ASH1L: variants seen among roughly 807,000 people sequenced by gnomAD.
ASH1L encodes the protein histone-lysine N-methyltransferase ASH1L.
In ASH1L, 23 loss-of-function variants were observed where a neutral mutation model predicts 269.0. The ratio of observed to expected loss-of-function variants is 0.09; its 90% CI spans 0.06 to 0.12. The LOEUF (loss-of-function observed/expected upper bound fraction) is 0.12, where lower values mean the gene tolerates loss of function less well. ASH1L is among the 10% of genes least tolerant of loss of function. The probability of loss-of-function intolerance (pLI) is 1.00; values close to 1 mark genes in which losing one functional copy is unlikely to be tolerated. For missense variants in ASH1L, 2,912 were observed against 3,567.8 expected, an observed-to-expected ratio of 0.82 and a Z score of 4.68; for synonymous variants, 1,187 against 1,253.5, an observed-to-expected ratio of 0.95 and a Z score of 1.12.
chr1:155,548,537 T>C (rs977862540), intron 1 of ASH1L, among the ~76,000 whole-genome samples: 1 of 152,006 alleles, frequency 6.6e-6, no homozygotes. Flanking sequence ...AAAAGAGAGA[T>C]AAAAAATAGA....
chr1:155,545,659 T>TA (rs1318978170), intron 1 of ASH1L, among the ~76,000 whole-genome samples: 1 of 151,464 alleles, frequency 6.6e-6, no homozygotes, highest in Non-Finnish European at 1.5e-5. Flanking sequence ...TATATACACA[T>TA]ATATATTCCT....
Position 155,371,694 on chromosome 1 carries a change from CT to C in ASH1L, c.6333-712del, listed in dbSNP as rs1269263101. Among the ~76,000 whole-genome samples, 470 of 137,398 alleles carry C rather than the reference CT, an allele frequency of 3.4e-3. 1 individual carries two copies. Among genetic ancestry groups the C allele is most frequent in the African/African-American group, 5.2e-3 (195 of 37,592 alleles). 90.1% of individuals were successfully genotyped at this position (137,398 alleles called of 152,430 possible). On this transcript the variant is annotated intron_variant, in intron 10 of 27. Coordinates refer to ENST00000392403, the MANE Select transcript of ASH1L (RefSeq NM_018489.3). ...AAATTGTGGTAGAATACCTAATTTA[CT>C]TTTTTTTTTTTTTTTTGAGATGGAA...
intron 2 of ASH1L, among the ~76,000 whole-genome samples, chr1:155,497,448 A>C (rs919497016): frequency 6.6e-6 from 1 of 152,224 alleles, no homozygotes; most frequent in Non-Finnish European, 1.5e-5. Flanking sequence ...TTCAAAATGA[A>C]GACGATAAGG....
At chr1:155,412,779 G>C (rs1290993808) in intron 6 of ASH1L, among the ~76,000 whole-genome samples, 1 of 152,060 alleles carries the variant, frequency 6.6e-6, no homozygotes, top group African/African-American at 2.4e-5. Context: ...TATAGGATCT[G>C]ACCCTATATC....
At chr1:155,512,744 CA>C (rs956129909) in intron 2 of ASH1L, among the ~76,000 whole-genome samples, 2 of 151,542 alleles carry the variant, frequency 1.3e-5, no homozygotes, top group African/African-American at 4.8e-5. Flanking sequence ...GTTTAAAAAA[CA>C]AAAAAACACA....
intron 6 of ASH1L, among the ~76,000 whole-genome samples, chr1:155,400,175 G>GT (rs1558064975): frequency 6.6e-6 from 1 of 151,842 alleles, no homozygotes; most frequent in Non-Finnish European, 1.5e-5. Flanking sequence ...GTGAAACCCC[G>GT]TCTCTACTAA....
intron 7 of ASH1L, among the ~76,000 whole-genome samples, chr1:155,388,266 T>A (rs1169084419): frequency 6.6e-6 from 1 of 152,168 alleles, no homozygotes; most frequent in Non-Finnish European, 1.5e-5. Flanking sequence ...CACTCACCAA[T>A]GACAACTGTA....
chr1:155,447,889 G>A lies in ASH1L; in HGVS notation c.5087-8821C>T, dbSNP rs376342338. On this transcript the variant is annotated intron_variant, in intron 4 of 27. Coordinates refer to ENST00000392403, the MANE Select transcript of ASH1L (RefSeq NM_018489.3). ...GATTTGATCACATTTATCCATATTT[G>A]TTTGGCTGCCTGTGCCTGTGGGGTA... Among the ~76,000 whole-genome samples, 17 of 152,190 alleles carry A rather than the reference G, an allele frequency of 1.1e-4. No homozygotes were observed. The East Asian group carries it at 3.1e-3, about 28-fold the overall frequency.
Position 155,483,713 on chromosome 1 carries a change from T to TA in ASH1L, c.421-1265dup, listed in dbSNP as rs761226095. Among the ~76,000 whole-genome samples the TA allele has an allele frequency of 6.8e-3, 915 of 134,092 alleles. 5 individuals carry two copies. The highest frequency in any genetic ancestry group is 0.017 in the African/African-American group (632 of 36,798). The allele number at this position is 134,092 out of a possible 152,430, so 88.0% of individuals were successfully genotyped here. On this transcript the variant is annotated intron_variant, in intron 2 of 27. Coordinates refer to ENST00000392403, the MANE Select transcript of ASH1L (RefSeq NM_018489.3). Reference sequence around the variant, plus strand: ...TCCAAAATGCACCACTATTTTAATATAAAAAAAAAAAACCCTAAAAAAATC... The same window carrying TA: ...TCCAAAATGCACCACTATTTTAATATAAAAAAAAAAAAACCCTAAAAAAATC...
At chr1:155,430,933 G>A (rs1034412756) in intron 5 of ASH1L, among the ~76,000 whole-genome samples, 25 of 151,888 alleles carry the variant, frequency 1.6e-4, no homozygotes, top group Non-Finnish European at 2.9e-4. Flanking sequence ...AATTTTTTTC[G>A]GTCAGGTGTG....
At chr1:155,409,002 A>C (rs893866894) in intron 6 of ASH1L, among the ~76,000 whole-genome samples, 2 of 152,140 alleles carry the variant, frequency 1.3e-5, no homozygotes, top group African/African-American at 4.8e-5. Flanking sequence ...AAAATCAAGA[A>C]ATAATGGAAT....
intron 2 of ASH1L, among the ~76,000 whole-genome samples, chr1:155,494,846 C>A (rs1286199645): frequency 1.3e-5 from 2 of 151,430 alleles, no homozygotes; most frequent in Admixed American, 6.6e-5. Flanking sequence ...GAATGTAAAC[C>A]GAACAGTAAA....
chr1:155,362,191 C>T (rs1038192776), intron 12 of ASH1L, among the ~76,000 whole-genome samples: 12 of 151,890 alleles, frequency 7.9e-5, no homozygotes, highest in Admixed American at 1.3e-4. Flanking sequence ...CGTGCCACCA[C>T]GCCCAGCTAC....
intron 1 of ASH1L, among the ~76,000 whole-genome samples, chr1:155,555,367 C>T (rs72995197): frequency 0.038 from 5,790 of 150,750 alleles, 376 homozygotes; most frequent in African/African-American, 0.14. Context: ...CATGGTGGCT[C>T]GCACCTGTAG....
chr1:155,361,209 C>A (rs559790897), intron 12 of ASH1L, among the ~76,000 whole-genome samples: 2 of 151,946 alleles, frequency 1.3e-5, no homozygotes, highest in Non-Finnish European at 2.9e-5. Context: ...TAGTGAAACC[C>A]CGTCTCTACT....
chr1:155,517,696 A>C (rs1453191552), intron 2 of ASH1L, among the ~76,000 whole-genome samples: 3 of 152,072 alleles, frequency 2.0e-5, no homozygotes, highest in African/African-American at 7.2e-5. Context: ...TACAGTAATG[A>C]AAACAGTGTG....
At position 155,477,949 on chromosome 1, in the gene ASH1L, G is replaced by C. The variant is rs1463744386; in HGVS notation, c.4921C>G (p.Leu1641Val). Reference sequence around the variant, plus strand: ...GACTCCTTTCTGTGAAGCCGATTTAGTGAAGTGTCCTGTGCAGAAAAGAGT... The same window carrying C: ...GACTCCTTTCTGTGAAGCCGATTTACTGAAGTGTCCTGTGCAGAAAAGAGT... ...PGLFSAQDTS[L>V]NRLHRKESLP... Residue 1641 changes from leucine (L) to valine (V), a missense_variant, in exon 3 of 28, where the codon CTA becomes GTA. Around this residue, in one of 13 missense-constraint regions of ASH1L, gnomAD observed 789 missense variants for 897.6 expected, o/e 0.88. Coordinates refer to ENST00000392403, the MANE Select transcript of ASH1L (RefSeq NM_018489.3). 6.2e-7 allele frequency: 1 copy of C among 1,614,166 alleles called. No individual in the cohort carries two copies. The highest frequency in any genetic ancestry group is 1.7e-5 in the Admixed American group (1 of 60,032).
At chr1:155,558,331 C>G (rs1032338124) in intron 1 of ASH1L, among the ~76,000 whole-genome samples, 7 of 151,896 alleles carry the variant, frequency 4.6e-5, no homozygotes, top group Non-Finnish European at 4.4e-5. Flanking sequence ...AATAGCCGGG[C>G]GTGGTGGCAC....
chr1:155,500,901 G>C (rs1408559835), intron 2 of ASH1L, among the ~76,000 whole-genome samples: 1 of 152,130 alleles, frequency 6.6e-6, no homozygotes, highest in Non-Finnish European at 1.5e-5. Context: ...CTGGGAGGCA[G>C]AGGTTGCAAT....
Sources: gnomAD v4.1 joint callset for allele counts (sites outside exome capture counted in the v4.1 genomes callset) on GRCh38, gnomAD v4.1.1 for gene constraint, gnomAD v4.1.1 regional missense constraint, MANE v1.5 for transcripts, NCBI Gene and HGNC (gene_info 2026-07-23, HGNC 2026-07-21) for gene names.